The following PRKAA1 variants were observed in gnomAD, a reference collection of about 807,000 sequenced individuals.
PRKAA1 encodes 5'-AMP-activated protein kinase catalytic subunit alpha-1.
PRKAA1 carries 23 observed loss-of-function variants against 56.9 expected under a neutral mutation model. The ratio of observed to expected loss-of-function variants is 0.40; its 90% confidence interval spans 0.29 to 0.57. The LOEUF is 0.57. Ranked by LOEUF, PRKAA1 falls within the 20% of genes least tolerant of loss-of-function variation. The pLI, the probability that PRKAA1 is intolerant of heterozygous loss-of-function variation, is 0.39. For missense variants in PRKAA1, 413 were observed against 679.7 expected (o/e 0.61, Z 4.36); for synonymous variants, 226 against 227.0 (o/e 1.00, Z 0.04).
Position 40,760,615 on chromosome 5 carries a change from G to A in PRKAA1, c.*2163C>T, listed in dbSNP as rs1312971991. 1 of 152,668 alleles carries A rather than the reference G, an allele frequency of 6.6e-6. No individual in the cohort carries two copies. The highest frequency in any genetic ancestry group is 2.4e-5 in the African/African-American group (1 of 41,436). 9.5% of individuals were successfully genotyped at this position (152,668 alleles called of 1,614,324 possible). ...ACAGTTTTGAACTCATATTTAAATG[G>A]AACTTCTATTACTTTGTACAGCTTT... On this transcript the variant is annotated 3_prime_UTR_variant, in exon 9 of 9. Coordinates refer to ENST00000397128, the MANE Select transcript of PRKAA1 (RefSeq NM_006251.6).
intron 1 of PRKAA1, among the ~76,000 whole-genome samples, chr5:40,797,722 G>A (rs1416251147): frequency 3.9e-5 from 6 of 152,160 alleles, no homozygotes; most frequent in Non-Finnish European, 5.9e-5. Flanking sequence ...GATCGCGCCC[G>A]GCGCCCCCTC....
In PRKAA1 at chr5:40,762,152, G is replaced by A. The variant is rs1743220111; in HGVS notation, c.*626C>T. 1 of 152,686 alleles carries A rather than the reference G, an allele frequency of 6.5e-6. No individual in the cohort carries two copies. The highest frequency in any genetic ancestry group is 1.5e-5 in the Non-Finnish European group (1 of 68,472). The allele number at this position is 152,686 out of a possible 1,614,324, so 9.5% of individuals were successfully genotyped here. A position where few individuals can be genotyped will look rare whatever the true frequency, so the allele number is the denominator to read the frequency against. ...CCGGGTGTGGTGGCACACGCCTGTA[G>A]TTCCAGCTACTCAGGAAGCTGAGGC... On this transcript the variant is annotated 3_prime_UTR_variant, in exon 9 of 9. Coordinates refer to ENST00000397128, the MANE Select transcript of PRKAA1 (RefSeq NM_006251.6).
At position 40,767,542 on chromosome 5, in the gene PRKAA1, T is replaced by G; in HGVS notation, c.745A>C (p.Asn249His). Residue 249 changes from asparagine to histidine, a missense_variant, in exon 6 of 9, where the codon AAT becomes CAT. Coordinates refer to ENST00000397128, the MANE Select transcript of PRKAA1 (RefSeq NM_006251.6). The stretch of plus-strand genomic sequence containing the variant: ...TTCAAAAGGCTAATCACAGAAGGAT[T>G]TAAATATTGAGGGGTATAGAAGATC... ...DGIFYTPQYL[N>H]PSVISLLKHM... 6.2e-7 allele frequency: 1 copy of G among 1,613,908 alleles called. No individual in the cohort carries two copies. The highest frequency in any genetic ancestry group is 8.5e-7 in the Non-Finnish European group (1 of 1,179,840).
intron 3 of PRKAA1, chr5:40,775,030 G>C (rs1462670452): frequency 8.6e-6 from 10 of 1,167,238 alleles, no homozygotes; most frequent in African/African-American, 1.5e-5. Flanking sequence ...GCAAGGCCTA[G>C]ATCTTTAAGT....
chr5:40,779,651 GACA>G (rs1362019469), intron 1 of PRKAA1, among the ~76,000 whole-genome samples: 5 of 152,252 alleles, frequency 3.3e-5, no homozygotes, highest in Admixed American at 2.6e-4. Flanking sequence ...TGAAATACCA[GACA>G]ACCTGAATCT....
intron 5 of PRKAA1, chr5:40,768,643 T>C: frequency 8.7e-7 from 1 of 1,153,734 alleles, no homozygotes; most frequent in African/African-American, 1.6e-5. Context: ...AACAAGCTTA[T>C]AAAAATAGAA....
chr5:40,788,000 A>C (rs1485154478), intron 1 of PRKAA1, among the ~76,000 whole-genome samples: 1 of 152,228 alleles, frequency 6.6e-6, no homozygotes, highest in Non-Finnish European at 1.5e-5. Context: ...GGACTGAAAA[A>C]GATATTCCAT....
rs114799357 is a variant in PRKAA1 at position 40,791,335 on chromosome 5, G to A, written c.127+6728C>T. On this transcript the variant is annotated intron_variant, in intron 1 of 8. Transcript: ENST00000397128. ...TTGCTTTTAAATGAAACGGAAGACA[G>A]ATATTTTGGCCACGGAAGACTTGCA... Among the ~76,000 whole-genome samples, 799 of 152,296 alleles carry A rather than the reference G, an allele frequency of 5.2e-3. 8 individuals are homozygous for A. Among genetic ancestry groups the A allele is most frequent in the African/African-American group, 0.018 (756 of 41,564 alleles).
intron 1 of PRKAA1, among the ~76,000 whole-genome samples, chr5:40,791,774 T>C (rs1744727000): frequency 1.3e-5 from 2 of 152,172 alleles, no homozygotes; most frequent in African/African-American, 4.8e-5. Flanking sequence ...CAAATACCCA[T>C]GAGCCACCAT....
At chr5:40,764,136 CT>C (rs1326673522) in intron 8 of PRKAA1, 1 of 157,760 alleles carries the variant, frequency 6.3e-6, no homozygotes, top group Admixed American at 6.2e-5. Flanking sequence ...TAACTTCATT[CT>C]TAACTGAAAA....
intron 3 of PRKAA1, among the ~76,000 whole-genome samples, chr5:40,774,733 T>C (rs961931412): frequency 3.3e-5 from 5 of 152,092 alleles, no homozygotes; most frequent in South Asian, 2.1e-4. Flanking sequence ...TAACTTAAAA[T>C]TGAGAGAAAA....
In PRKAA1 at chr5:40,760,245, A is replaced by C. The variant is rs542409179; in HGVS notation, c.*2533T>G. The C allele has an allele frequency of 6.5e-6, 1 of 152,884 alleles. No homozygotes were observed. Among genetic ancestry groups the C allele is most frequent in the South Asian group, 2.1e-4 (1 of 4,832 alleles). The allele number at this position is 152,884 out of a possible 1,614,324, so 9.5% of individuals were successfully genotyped here. A position where few individuals can be genotyped will look rare whatever the true frequency, so the allele number is the denominator to read the frequency against. On this transcript the variant is annotated 3_prime_UTR_variant, in exon 9 of 9. Transcript: ENST00000397128. ...TTGTCATTTCAAATATCCTAGCTTA[A>C]AAAAGAATTTACTGCAATTGTCTGT...
chr5:40,789,892 T>A (rs925036167), intron 1 of PRKAA1, among the ~76,000 whole-genome samples: 2 of 152,220 alleles, frequency 1.3e-5, no homozygotes, highest in African/African-American at 4.8e-5. Context: ...TTGTGCCCCA[T>A]AAATATATAC....
At chr5:40,770,480 A>C (rs143609014) in intron 4 of PRKAA1, among the ~76,000 whole-genome samples, 1 of 152,250 alleles carries the variant, frequency 6.6e-6, no homozygotes, top group African/African-American at 2.4e-5. Flanking sequence ...AACAAACAAA[A>C]AAAAGTTATC....
In PRKAA1 at chr5:40,774,784, GC is replaced by G; in HGVS notation, c.363+625del. The G allele has an allele frequency of 5.2e-6, 3 of 576,118 alleles. No individual in the cohort carries two copies. The South Asian group carries it at 8.5e-5, about 16-fold the overall frequency. The allele number at this position is 576,118 out of a possible 1,614,324, so 35.7% of individuals were successfully genotyped here. A position where few individuals can be genotyped will look rare whatever the true frequency, so the allele number is the denominator to read the frequency against. On this transcript the variant is annotated intron_variant, in intron 3 of 8. Transcript: ENST00000397128. Reference sequence around the variant, plus strand: ...CTAGCTACAGCTCTCCCACAAAGGGGCTTTTGCATACCACATAACCTGGGTA... The same window carrying G: ...CTAGCTACAGCTCTCCCACAAAGGGGTTTTGCATACCACATAACCTGGGTA...
At chr5:40,780,590 C>T (rs1257103791) in intron 1 of PRKAA1, among the ~76,000 whole-genome samples, 1 of 152,128 alleles carries the variant, frequency 6.6e-6, no homozygotes, top group Non-Finnish European at 1.5e-5. Flanking sequence ...TAGCTTGGCT[C>T]AGTCCAAAGA....
At chr5:40,788,754 G>A (rs1185506760) in intron 1 of PRKAA1, among the ~76,000 whole-genome samples, 1 of 152,048 alleles carries the variant, frequency 6.6e-6, no homozygotes, top group Non-Finnish European at 1.5e-5. Context: ...TTGAACCCGG[G>A]AGGCGGACGC....
intron 8 of PRKAA1, among the ~76,000 whole-genome samples, chr5:40,763,931 C>CTA (rs951950665): frequency 7.9e-5 from 12 of 151,598 alleles, no homozygotes; most frequent in East Asian, 3.9e-4. Flanking sequence ...AAAGGTGATA[C>CTA]TATATATATA....
Position 40,761,625 on chromosome 5 carries a change from C to T in PRKAA1, c.*1153G>A, listed in dbSNP as rs1405119901. ...ATAAAATTTGGGGGGGAAGTCATAT[C>T]AGAGCACTTAAAGTTTGTAAGAGAT... is the stretch of plus-strand genomic sequence containing the variant. On this transcript the variant is annotated 3_prime_UTR_variant, in exon 9 of 9. Coordinates refer to ENST00000397128, the MANE Select transcript of PRKAA1 (RefSeq NM_006251.6). The T allele has an allele frequency of 6.6e-6, 1 of 152,076 alleles. No individual in the cohort carries two copies. The highest frequency in any genetic ancestry group is 1.5e-5 in the Non-Finnish European group (1 of 68,006). The allele number at this position is 152,076 out of a possible 1,614,324, so 9.4% of individuals were successfully genotyped here. A position where few individuals can be genotyped will look rare whatever the true frequency, so the allele number is the denominator to read the frequency against.
Sources: gnomAD v4.1 joint callset for allele counts (sites outside exome capture counted in the v4.1 genomes callset) on GRCh38, gnomAD v4.1.1 for gene constraint, MANE v1.5 for transcripts, NCBI Gene and HGNC (gene_info 2026-07-23, HGNC 2026-07-21) for gene names.